Variants in AUTS2 observed in about 807,000 individuals in gnomAD.
AUTS2 encodes autism susceptibility gene 2 protein.
Under a neutral mutation model 112.4 loss-of-function variants are expected in AUTS2, and 17 were observed. The ratio of observed to expected loss-of-function variants is 0.15; its 90% CI spans 0.10 to 0.23. The LOEUF (loss-of-function observed/expected upper bound fraction) is 0.23, where lower values mean the gene tolerates loss of function less well. Ranked by LOEUF, AUTS2 falls within the 10% of genes least tolerant of loss-of-function variation. AUTS2 has a pLI of 1.00. For synonymous variants in AUTS2, 751 were observed against 702.7 expected (o/e 1.07, Z -1.09); for missense variants, 1,510 against 1,701.6 (o/e 0.89, Z 1.98).
intron 4 of AUTS2, among the ~76,000 whole-genome samples, chr7:70,308,143 G>A (rs948920180): frequency 2.0e-5 from 3 of 152,170 alleles, no homozygotes; most frequent in Non-Finnish European, 4.4e-5. Context: ...TTTGAAACAA[G>A]AAAGGGCCAG....
chr7:69,603,896 T>C (rs1193837258), intron 1 of AUTS2, among the ~76,000 whole-genome samples: 1 of 151,908 alleles, frequency 6.6e-6, no homozygotes, highest in African/African-American at 2.4e-5. Flanking sequence ...GCTATTTGGG[T>C]TTTTTTTCTG....
At chr7:70,291,085 G>A (rs1788688198) in intron 4 of AUTS2, 1 of 152,080 alleles carries the variant, frequency 6.6e-6, no homozygotes, top group Non-Finnish European at 1.5e-5. Flanking sequence ...GTAATATCAA[G>A]CATTTCTTTT....
intron 1 of AUTS2, among the ~76,000 whole-genome samples, chr7:69,618,139 T>A (rs1288601946): frequency 2.0e-5 from 3 of 152,202 alleles, no homozygotes; most frequent in Non-Finnish European, 4.4e-5. Context: ...AGTTGGGATT[T>A]GAATTTAGAC....
intron 5 of AUTS2, among the ~76,000 whole-genome samples, chr7:70,643,221 A>G (rs547448846): frequency 4.9e-4 from 75 of 152,308 alleles, no homozygotes; most frequent in Non-Finnish European, 9.0e-4. Context: ...CTTCGGACCC[A>G]TATTTTCCAT....
intron 1 of AUTS2, among the ~76,000 whole-genome samples, chr7:69,662,574 C>T (rs1795851784): frequency 6.6e-6 from 1 of 152,124 alleles, no homozygotes; most frequent in African/African-American, 2.4e-5. Flanking sequence ...AAATGGATTC[C>T]CTGGAAGCAG....
In AUTS2 at chr7:70,292,409, A is replaced by G. The variant is rs1026230753; in HGVS notation, c.661-143343A>G. On this transcript the variant is annotated intron_variant, in intron 4 of 18. Transcript: ENST00000342771. The stretch of plus-strand genomic sequence containing the variant: ...TGAGACTTTCCGATAGCCTCTAATT[A>G]TGTAAAACCATGCCTGTATTCAGGA... The G allele has an allele frequency of 2.0e-5, 3 of 152,390 alleles. 1 individual carries two copies. The highest frequency in any genetic ancestry group is 2.9e-5 in the Non-Finnish European group (2 of 68,044). 9.4% of individuals were successfully genotyped at this position (152,390 alleles called of 1,614,324 possible).
chr7:70,130,696 A>T (rs924683976), intron 3 of AUTS2, among the ~76,000 whole-genome samples: 9 of 151,438 alleles, frequency 5.9e-5, no homozygotes, highest in African/African-American at 2.2e-4. Flanking sequence ...AAAAAAAAAA[A>T]TCCAGCAGAA....
In AUTS2 at chr7:70,685,141, C is replaced by T. The variant is rs147854298; in HGVS notation, c.691-13428C>T. On this transcript the variant is annotated intron_variant, in intron 5 of 18. Coordinates refer to ENST00000342771, the MANE Select transcript of AUTS2 (RefSeq NM_015570.4). Reference sequence around the variant, plus strand: ...AGCAGCAGTCTTTCCCTGGGACTAACCAAAGCTAGAAATGAGGGTCCTCAG... The same window carrying T: ...AGCAGCAGTCTTTCCCTGGGACTAATCAAAGCTAGAAATGAGGGTCCTCAG... Among the ~76,000 whole-genome samples, 11 of 152,086 alleles carry T rather than the reference C, an allele frequency of 7.2e-5. No individual in the cohort carries two copies. In the East Asian group the frequency reaches 2.1e-3, roughly 29 times the overall value.
At chr7:69,814,956 C>A (rs2129525366) in intron 1 of AUTS2, among the ~76,000 whole-genome samples, 1 of 152,294 alleles carries the variant, frequency 6.6e-6, no homozygotes, top group African/African-American at 2.4e-5. Context: ...GCGAGGTCCC[C>A]ATTTAGGGAT....
intron 5 of AUTS2, among the ~76,000 whole-genome samples, chr7:70,499,470 C>T (rs1294804604): frequency 6.6e-6 from 1 of 152,146 alleles, no homozygotes; most frequent in Non-Finnish European, 1.5e-5. Context: ...GGCGGTGCAA[C>T]TTGGAAACAC....
At chr7:70,575,048 C>T (rs1047569973) in intron 5 of AUTS2, among the ~76,000 whole-genome samples, 4 of 152,168 alleles carry the variant, frequency 2.6e-5, no homozygotes, top group South Asian at 2.1e-4. Context: ...GTAATCGTTC[C>T]GCTCGGTTGC....
At chr7:70,023,723 T>C (rs1004847591) in intron 2 of AUTS2, among the ~76,000 whole-genome samples, 5 of 152,168 alleles carry the variant, frequency 3.3e-5, no homozygotes, top group African/African-American at 9.7e-5. Context: ...AAATAATAAA[T>C]ATAGCAAAGG....
intron 1 of AUTS2, among the ~76,000 whole-genome samples, chr7:69,792,779 T>G (rs762826225): frequency 6.6e-6 from 1 of 152,108 alleles, no homozygotes; most frequent in Admixed American, 6.5e-5. Context: ...CAAGTGTACA[T>G]ACATTACCAG....
At chr7:70,488,066 C>T (rs979810338) in intron 5 of AUTS2, among the ~76,000 whole-genome samples, 9 of 152,198 alleles carry the variant, frequency 5.9e-5, no homozygotes, top group Admixed American at 3.9e-4. Context: ...CACCGCCCTT[C>T]GAGGGGCTTC....
chr7:70,062,260 C>A (rs977314672), intron 2 of AUTS2, among the ~76,000 whole-genome samples: 2 of 151,642 alleles, frequency 1.3e-5, no homozygotes, highest in African/African-American at 2.4e-5. Flanking sequence ...CCTGTAATCC[C>A]AGCACTTTGG....
chr7:69,660,927 G>C (rs572739912), intron 1 of AUTS2, among the ~76,000 whole-genome samples: 2 of 152,318 alleles, frequency 1.3e-5, no homozygotes, highest in East Asian at 3.9e-4. Flanking sequence ...GAGGAATAGT[G>C]CGTTTTCACT....
chr7:70,704,225 GATACTGGATCCCATCACTGGAA>G (rs1264423475), intron 6 of AUTS2, among the ~76,000 whole-genome samples: 1 of 152,182 alleles, frequency 6.6e-6, no homozygotes, highest in African/African-American at 2.4e-5. Context: ...TGAATCCTGG[GATACTGGATCCCATCACTGGAA>G]TTGTGAACCG....
intron 4 of AUTS2, among the ~76,000 whole-genome samples, chr7:70,367,548 T>A (rs2129629294): frequency 6.7e-6 from 1 of 149,272 alleles, no homozygotes; most frequent in East Asian, 2.0e-4. Flanking sequence ...AGAGCGAGAC[T>A]CTGTCTCAAA....
chr7:70,495,597 TCA>T, intron 5 of AUTS2, among the ~76,000 whole-genome samples: 1 of 145,626 alleles, frequency 6.9e-6, no homozygotes, highest in Non-Finnish European at 1.5e-5. Context: ...CACACCCCAC[TCA>T]CACACACCAC....
Sources: allele counts gnomAD v4.1 joint callset (sites outside exome capture counted in the v4.1 genomes callset), GRCh38; gene constraint gnomAD v4.1.1; transcripts MANE v1.5; gene names NCBI Gene and HGNC (gene_info 2026-07-23, HGNC 2026-07-21).